The following CNTNAP5 variants were observed in gnomAD, a reference collection of about 807,000 sequenced individuals.
The protein encoded by CNTNAP5 is contactin-associated protein-like 5.
In CNTNAP5, 72 loss-of-function variants were observed where a neutral mutation model predicts 150.2. The observed-to-expected ratio is 0.48, with a 90% CI of 0.40 to 0.58. The LOEUF is 0.58. CNTNAP5 is among the 20% of genes least tolerant of loss of function. The pLI is 0.00. For synonymous variants in CNTNAP5, 672 were observed against 619.8 expected, an observed-to-expected ratio of 1.08 and a Z score of -1.25; for missense variants, 1,636 against 1,626.2, an observed-to-expected ratio of 1.01 and a Z score of -0.10.
chr2:124,770,574 T>A (rs1459755919), intron 16 of CNTNAP5, among the ~76,000 whole-genome samples: 1 of 152,186 alleles, frequency 6.6e-6, no homozygotes, highest in Non-Finnish European at 1.5e-5. Flanking sequence ...ATCTCTCAGT[T>A]AAGTGTTTTT....
chr2:124,365,875 T>G (rs1397616658), intron 3 of CNTNAP5, among the ~76,000 whole-genome samples: 3 of 152,216 alleles, frequency 2.0e-5, no homozygotes, highest in Non-Finnish European at 4.4e-5. Flanking sequence ...CAGGAGCTCT[T>G]GCATCAAATA....
intron 6 of CNTNAP5, among the ~76,000 whole-genome samples, chr2:124,457,715 T>G (rs2104817041): frequency 6.6e-6 from 1 of 152,062 alleles, no homozygotes; most frequent in Admixed American, 6.6e-5. Context: ...CATATATATT[T>G]ATTATACTTT....
At chr2:124,668,149 G>T (rs1678738572) in intron 13 of CNTNAP5, among the ~76,000 whole-genome samples, 1 of 152,138 alleles carries the variant, frequency 6.6e-6, no homozygotes, top group Admixed American at 6.6e-5. Context: ...GGCTCTCTTG[G>T]CCTGTTTCAA....
At chr2:124,747,995 T>C (rs903996177) in intron 14 of CNTNAP5, among the ~76,000 whole-genome samples, 1 of 151,622 alleles carries the variant, frequency 6.6e-6, no homozygotes, top group African/African-American at 2.4e-5. Flanking sequence ...CATGCAATAT[T>C]GAGCTTTGCG....
chr2:124,620,293 G>C (rs1473162767), intron 12 of CNTNAP5, among the ~76,000 whole-genome samples: 1 of 151,950 alleles, frequency 6.6e-6, no homozygotes, highest in Non-Finnish European at 1.5e-5. Context: ...CTCAAGCCCT[G>C]TTCCATTAAA....
chr2:124,277,620 A>G (rs1279633087), intron 3 of CNTNAP5, among the ~76,000 whole-genome samples: 1 of 152,124 alleles, frequency 6.6e-6, no homozygotes, highest in Non-Finnish European at 1.5e-5. Context: ...ATATTGGGCC[A>G]ATAATTCTTT....
At position 124,707,097 on chromosome 2, in the gene CNTNAP5, A is replaced by G. The variant is rs1558743597; in HGVS notation, c.2078-40132A>G. Among the ~76,000 whole-genome samples, 832 of 129,876 alleles carry G rather than the reference A, an allele frequency of 6.4e-3. 51 individuals are homozygous for G. Among genetic ancestry groups the G allele is most frequent in the African/African-American group, 0.024 (788 of 32,718 alleles). The allele number at this position is 129,876 out of a possible 152,430, so 85.2% of individuals were successfully genotyped here. A position where few individuals can be genotyped will look rare whatever the true frequency, so the allele number is the denominator to read the frequency against. On this transcript the variant is annotated intron_variant, in intron 13 of 23. Coordinates refer to ENST00000682447, the MANE Select transcript of CNTNAP5 (RefSeq NM_001367498.1). ...AAGAAGAAGAAGAGGAAGAAGAAGA[A>G]GAGGAAGAAGAAGAGGAAGAAGAAG...
At chr2:124,698,283 A>C (rs553992992) in intron 13 of CNTNAP5, among the ~76,000 whole-genome samples, 1 of 151,598 alleles carries the variant, frequency 6.6e-6, no homozygotes, top group East Asian at 2.0e-4. Context: ...TGGTCTCTGA[A>C]ATTTTGCTTC....
chr2:124,103,946 TTA>T (rs200787874), intron 1 of CNTNAP5, among the ~76,000 whole-genome samples: 2,542 of 147,668 alleles, frequency 0.017, 28 homozygotes, highest in Non-Finnish European at 0.028. Flanking sequence ...AATTTAAGCA[TTA>T]TATATGTTAT....
chr2:124,862,519 AGAGGAAGGCCT>A (rs941197096), intron 19 of CNTNAP5, among the ~76,000 whole-genome samples: 1 of 152,192 alleles, frequency 6.6e-6, no homozygotes, highest in Non-Finnish European at 1.5e-5. Flanking sequence ...CCGAGGGGGT[AGAGGAAGGCCT>A]GAGGATAGCG....
intron 10 of CNTNAP5, among the ~76,000 whole-genome samples, chr2:124,553,263 G>A (rs141454185): frequency 6.0e-4 from 91 of 152,258 alleles, no homozygotes; most frequent in African/African-American, 2.1e-3. Context: ...CAGTACTTTG[G>A]GAGGCCGAGG....
chr2:124,180,004 G>A (rs1340243211), intron 1 of CNTNAP5, among the ~76,000 whole-genome samples: 6 of 151,896 alleles, frequency 4.0e-5, no homozygotes, highest in African/African-American at 1.2e-4. Context: ...TAGGTAATTT[G>A]GGTAATTCCA....
intron 14 of CNTNAP5, among the ~76,000 whole-genome samples, chr2:124,750,173 G>T (rs75118793): frequency 6.6e-6 from 1 of 152,084 alleles, no homozygotes; most frequent in Non-Finnish European, 1.5e-5. Flanking sequence ...ATTTTCTGTG[G>T]CAAGAGACCT....
At chr2:124,768,989 G>C (rs534535320) in intron 16 of CNTNAP5, among the ~76,000 whole-genome samples, 13 of 152,210 alleles carry the variant, frequency 8.5e-5, no homozygotes, top group African/African-American at 3.1e-4. Context: ...CACGTAGAAG[G>C]CCAGAGAGAT....
At chr2:124,556,485 G>A (rs1199703780) in intron 10 of CNTNAP5, among the ~76,000 whole-genome samples, 1 of 152,150 alleles carries the variant, frequency 6.6e-6, no homozygotes, top group African/African-American at 2.4e-5. Context: ...GCTAGTTTAA[G>A]GTTATTGTAT....
At chr2:124,616,373 A>G (rs1257252691) in intron 12 of CNTNAP5, among the ~76,000 whole-genome samples, 1 of 152,152 alleles carries the variant, frequency 6.6e-6, no homozygotes, top group Non-Finnish European at 1.5e-5. Flanking sequence ...GGCCTCTGCT[A>G]GCTTCAAACT....
chr2:124,277,971 G>A (rs1007445978), intron 3 of CNTNAP5, among the ~76,000 whole-genome samples: 52 of 152,130 alleles, frequency 3.4e-4, no homozygotes, highest in Non-Finnish European at 6.5e-4. Flanking sequence ...TCCCAGCAGA[G>A]GAAACAGCCA....
intron 12 of CNTNAP5, among the ~76,000 whole-genome samples, chr2:124,619,646 T>C (rs1677567019): frequency 6.6e-6 from 1 of 151,682 alleles, no homozygotes; most frequent in African/African-American, 2.4e-5. Flanking sequence ...CCTCATCCAA[T>C]CAGTTGAAGG....
At chr2:124,789,345 T>C (rs1681667557) in intron 17 of CNTNAP5, among the ~76,000 whole-genome samples, 1 of 152,180 alleles carries the variant, frequency 6.6e-6, no homozygotes, top group Non-Finnish European at 1.5e-5. Context: ...TTTGTATGTA[T>C]ACGGAAAGAG....
Sources: allele counts gnomAD v4.1 joint callset (sites outside exome capture counted in the v4.1 genomes callset), GRCh38; gene constraint gnomAD v4.1.1; transcripts MANE v1.5; gene names NCBI Gene and HGNC (gene_info 2026-07-23, HGNC 2026-07-21).